Variants in CTNND2 observed in about 807,000 individuals in gnomAD.
The protein encoded by CTNND2 is catenin delta-2.
CTNND2 carries 22 observed loss-of-function variants against 144.4 expected under a neutral mutation model. The ratio of observed to expected loss-of-function variants is 0.15; its 90% CI spans 0.11 to 0.22. The LOEUF is 0.22. CTNND2 is among the 10% of genes least tolerant of loss of function. The pLI, the probability that CTNND2 is intolerant of heterozygous loss-of-function variation, is 1.00. For missense variants in CTNND2, 1,353 were observed against 1,618.8 expected (o/e 0.84, Z 2.82); for synonymous variants, 751 against 695.6 (o/e 1.08, Z -1.25).
chr5:11,300,613 T>G (rs1275869667), intron 9 of CTNND2, among the ~76,000 whole-genome samples: 1 of 150,818 alleles, frequency 6.6e-6, no homozygotes, highest in Non-Finnish European at 1.5e-5. Context: ...ATTTGCATTT[T>G]AGACAAACAA....
Position 11,221,617 on chromosome 5 carries a change from C to T in CTNND2, c.1761+15074G>A, listed in dbSNP as rs115900255. Reference sequence around the variant, plus strand: ...CGCCTTATAATCTATGCATGGACATCACATGATACGAAGCCTTCTTGTATT... The same window carrying T: ...CGCCTTATAATCTATGCATGGACATTACATGATACGAAGCCTTCTTGTATT... On this transcript the variant is annotated intron_variant, in intron 10 of 21. Transcript: ENST00000304623. 4.2e-4 allele frequency among the ~76,000 whole-genome samples: 64 copies of T among 152,310 alleles called. 1 individual carries two copies. The highest frequency in any genetic ancestry group is 1.5e-3 in the African/African-American group (63 of 41,550).
chr5:11,414,712 G>C (rs1357249131), intron 3 of CTNND2, among the ~76,000 whole-genome samples: 2 of 152,136 alleles, frequency 1.3e-5, no homozygotes, highest in Non-Finnish European at 2.9e-5. Context: ...ATTAAGCCCA[G>C]AACCCAAGAG....
chr5:11,590,173 G>T (rs1581573642), intron 2 of CTNND2, among the ~76,000 whole-genome samples: 2 of 151,704 alleles, frequency 1.3e-5, no homozygotes, highest in African/African-American at 4.8e-5. Context: ...GGCCTCCCGA[G>T]TAGCAGGAAC....
At chr5:11,256,336 T>G (rs566403735) in intron 9 of CTNND2, among the ~76,000 whole-genome samples, 1 of 152,326 alleles carries the variant, frequency 6.6e-6, no homozygotes, top group South Asian at 2.1e-4. Flanking sequence ...TTTGACCCCA[T>G]GAAAATTTCC....
chr5:11,147,794 T>C (rs1005102868), intron 12 of CTNND2, among the ~76,000 whole-genome samples: 17 of 152,080 alleles, frequency 1.1e-4, no homozygotes, highest in African/African-American at 3.6e-4. Flanking sequence ...TGAAAAGCAG[T>C]TGGCGGTTTT....
At chr5:11,896,640 A>G (rs908817415) in intron 1 of CTNND2, among the ~76,000 whole-genome samples, 2 of 152,120 alleles carry the variant, frequency 1.3e-5, no homozygotes, top group Non-Finnish European at 2.9e-5. Flanking sequence ...AATGTAATAT[A>G]TATATTAAAC....
At position 10,996,570 on chromosome 5, in the gene CTNND2, G is replaced by T. The variant is rs552432691; in HGVS notation, c.3085-3893C>A. Among the ~76,000 whole-genome samples the T allele has an allele frequency of 3.9e-5, 6 of 152,184 alleles. No homozygotes were observed. The South Asian group carries it at 1.0e-3, about 26-fold the overall frequency. On this transcript the variant is annotated intron_variant, in intron 18 of 21. Transcript: ENST00000304623. ...CAGGAGATGAGCAGAAGAGGTTTGC[G>T]AAACGGACACAGGGGATTTTGCTGA...
intron 9 of CTNND2, among the ~76,000 whole-genome samples, chr5:11,337,727 C>CT (rs934305796): frequency 1.4e-4 from 22 of 151,954 alleles, no homozygotes; most frequent in East Asian, 1.4e-3. Flanking sequence ...GCACTACCTG[C>CT]TTTTTTTTAA....
At chr5:11,833,884 T>G (rs1794038387) in intron 1 of CTNND2, among the ~76,000 whole-genome samples, 1 of 152,166 alleles carries the variant, frequency 6.6e-6, no homozygotes. Context: ...TTTGTCAAAC[T>G]TCACTGAATG....
rs114648611 is a variant in CTNND2, at chr5:11,545,580, T to C, written c.287+19364A>G. 7.0e-3 allele frequency among the ~76,000 whole-genome samples: 1,012 copies of C among 144,458 alleles called. 4 individuals carry two copies. The highest frequency in any genetic ancestry group is 0.011 in the Non-Finnish European group (723 of 66,860). The allele number at this position is 144,458 out of a possible 152,430, so 94.8% of individuals were successfully genotyped here. A position where few individuals can be genotyped will look rare whatever the true frequency, so the allele number is the denominator to read the frequency against. On this transcript the variant is annotated intron_variant, in intron 3 of 21. Coordinates refer to ENST00000304623, the MANE Select transcript of CTNND2 (RefSeq NM_001332.4). ...GGGAGACTGAAGGCAGGAGAATTGCTTGAACCCAGGAGGCAAAGGATACAG... is the reference window on the plus strand; with the variant it reads ...GGGAGACTGAAGGCAGGAGAATTGCCTGAACCCAGGAGGCAAAGGATACAG...
chr5:11,104,134 C>T (rs1399226435), intron 14 of CTNND2, among the ~76,000 whole-genome samples: 1 of 152,222 alleles, frequency 6.6e-6, no homozygotes, highest in African/African-American at 2.4e-5. Flanking sequence ...CCTCTATCAC[C>T]TAGATTTCTC....
intron 3 of CTNND2, among the ~76,000 whole-genome samples, chr5:11,520,198 T>C (rs1339690248): frequency 6.6e-6 from 1 of 151,798 alleles, no homozygotes; most frequent in African/African-American, 2.4e-5. Context: ...AAAATATCTC[T>C]ATCTTAGGGA....
Position 11,411,714 on chromosome 5 carries a change from G to T in CTNND2, c.323-62C>A, listed in dbSNP as rs753894174. The stretch of plus-strand genomic sequence containing the variant: ...TGGTATATTATTCTTAAAGATTTAG[G>T]TTATCATTTAATCATGGAAAATATC... On this transcript the variant is annotated intron_variant, in intron 4 of 21. Transcript: ENST00000304623. 642 of 1,035,956 alleles carry T rather than the reference G, an allele frequency of 6.2e-4. 3 individuals carry two copies. The highest frequency in any genetic ancestry group is 7.5e-4 in the Non-Finnish European group (511 of 683,210). 64.2% of individuals were successfully genotyped at this position (1,035,956 alleles called of 1,614,324 possible).
chr5:11,306,232 G>T (rs1436307438), intron 9 of CTNND2, among the ~76,000 whole-genome samples: 5 of 152,222 alleles, frequency 3.3e-5, no homozygotes, highest in African/African-American at 1.2e-4. Context: ...GCTGGCTTAG[G>T]ATGTGCGTGT....
intron 6 of CTNND2, among the ~76,000 whole-genome samples, chr5:11,390,993 G>A (rs146779814): frequency 6.6e-6 from 1 of 152,270 alleles, no homozygotes; most frequent in African/African-American, 2.4e-5. Flanking sequence ...ACAGGGCCAG[G>A]GCCACAGAGG....
chr5:11,220,984 A>C (rs1273149617), intron 10 of CTNND2, among the ~76,000 whole-genome samples: 1 of 152,260 alleles, frequency 6.6e-6, no homozygotes, highest in Admixed American at 6.5e-5. Flanking sequence ...TCTACTTGTC[A>C]TGCAAGAGGC....
chr5:11,443,998 GT>G (rs1273655284), intron 3 of CTNND2, among the ~76,000 whole-genome samples: 1 of 152,216 alleles, frequency 6.6e-6, no homozygotes, highest in Non-Finnish European at 1.5e-5. Context: ...GATGAATCAA[GT>G]CATTAATTAC....
intron 2 of CTNND2, among the ~76,000 whole-genome samples, chr5:11,591,955 C>T (rs1179042787): frequency 6.6e-6 from 1 of 152,032 alleles, no homozygotes; most frequent in East Asian, 1.9e-4. Context: ...CAGCTGGTAG[C>T]TGAAAATGTA....
chr5:11,436,048 T>G (rs1763741908), intron 3 of CTNND2, among the ~76,000 whole-genome samples: 1 of 151,826 alleles, frequency 6.6e-6, no homozygotes, highest in South Asian at 2.1e-4. Context: ...GTTAGGTGCC[T>G]CTGAGTACTA....
Sources: allele counts gnomAD v4.1 joint callset (sites outside exome capture counted in the v4.1 genomes callset), GRCh38; gene constraint gnomAD v4.1.1; transcripts MANE v1.5; gene names NCBI Gene and HGNC (gene_info 2026-07-23, HGNC 2026-07-21).